The following ROBO2 variants were observed in gnomAD, a reference collection of about 807,000 sequenced individuals.
ROBO2 encodes roundabout guidance receptor 2.
A neutral mutation model predicts 160.8 loss-of-function variants in ROBO2; 53 were observed. That is an observed-to-expected ratio of 0.33 (90% confidence interval 0.26 to 0.41). The LOEUF (loss-of-function observed/expected upper bound fraction) is 0.41, where lower values mean the gene tolerates loss of function less well. Among genes scored for constraint, ROBO2 ranks in the 10% least tolerant of loss-of-function variants. The pLI, the probability that ROBO2 is intolerant of heterozygous loss-of-function variation, is 1.00. For synonymous variants in ROBO2, 664 were observed against 611.7 expected, an observed-to-expected ratio of 1.09 and a Z score of -1.26; for missense variants, 1,577 against 1,722.4, an observed-to-expected ratio of 0.92 and a Z score of 1.49.
At chr3:77,028,893 T>C (rs1259912359) in intron 2 of ROBO2, among the ~76,000 whole-genome samples, 4 of 152,202 alleles carry the variant, frequency 2.6e-5, no homozygotes, top group African/African-American at 9.6e-5. Flanking sequence ...AACCACTATA[T>C]CCTTCTTTCT....
At chr3:77,413,652 T>A (rs1014027957) in intron 2 of ROBO2, among the ~76,000 whole-genome samples, 1 of 152,112 alleles carries the variant, frequency 6.6e-6, no homozygotes, top group Non-Finnish European at 1.5e-5. Flanking sequence ...GCGGAGAGGT[T>A]AAGAAGTAAT....
intron 4 of ROBO2, among the ~76,000 whole-genome samples, chr3:77,490,325 C>A (rs541248036): frequency 6.6e-6 from 1 of 151,960 alleles, no homozygotes; most frequent in Non-Finnish European, 1.5e-5. Context: ...TTCCTGACCT[C>A]GTGATCTGCC....
chr3:76,208,820 T>C (rs1392489708), intron 2 of ROBO2, among the ~76,000 whole-genome samples: 1 of 152,136 alleles, frequency 6.6e-6, no homozygotes, highest in African/African-American at 2.4e-5. Flanking sequence ...GACATCTACC[T>C]AGCTTCTGGC....
intron 2 of ROBO2, among the ~76,000 whole-genome samples, chr3:76,278,215 C>T (rs1293250366): frequency 6.6e-6 from 1 of 151,952 alleles, no homozygotes; most frequent in South Asian, 2.1e-4. Context: ...TGAAGAAAAA[C>T]ATTATGATTG....
intron 2 of ROBO2, among the ~76,000 whole-genome samples, chr3:77,171,333 C>T (rs913059166): frequency 7.2e-5 from 11 of 152,208 alleles, no homozygotes; most frequent in Non-Finnish European, 1.0e-4. Context: ...AGCTTTACCA[C>T]TGGGGTAACA....
intron 2 of ROBO2, among the ~76,000 whole-genome samples, chr3:76,047,870 A>G (rs113530210): frequency 3.3e-4 from 50 of 152,336 alleles, no homozygotes; most frequent in African/African-American, 1.1e-3. Flanking sequence ...TTAAAATATC[A>G]GTAAGGTTAT....
chr3:76,326,365 G>T (rs1367662091), intron 2 of ROBO2, among the ~76,000 whole-genome samples: 1 of 151,804 alleles, frequency 6.6e-6, no homozygotes, highest in Non-Finnish European at 1.5e-5. Flanking sequence ...TATTTTTTTT[G>T]ATGTTCACAT....
At chr3:77,410,685 TCTTCCTCCTCCTCTTCC>T (rs1397208409) in intron 2 of ROBO2, among the ~76,000 whole-genome samples, 116 of 141,290 alleles carry the variant, frequency 8.2e-4, no homozygotes, top group South Asian at 3.1e-3. Flanking sequence ...CTCCTCCTCC[TCTTCCTCCTCCTCTTCC>T]TCCTCCTCCT....
At chr3:76,820,316 T>C (rs1013168332) in intron 2 of ROBO2, among the ~76,000 whole-genome samples, 5 of 152,080 alleles carry the variant, frequency 3.3e-5, no homozygotes, top group African/African-American at 1.2e-4. Flanking sequence ...GGCATAACAT[T>C]AGTTTCAATA....
At chr3:76,643,241 G>T (rs2090792772) in intron 2 of ROBO2, among the ~76,000 whole-genome samples, 1 of 152,078 alleles carries the variant, frequency 6.6e-6, no homozygotes, top group Admixed American at 6.5e-5. Flanking sequence ...TAATTATAAG[G>T]TTAAGTAGGT....
intron 2 of ROBO2, among the ~76,000 whole-genome samples, chr3:76,190,480 C>T (rs1559625656): frequency 1.3e-5 from 2 of 152,038 alleles, no homozygotes; most frequent in South Asian, 2.1e-4. Context: ...TTATATTACT[C>T]AGCAATTATT....
intron 2 of ROBO2, among the ~76,000 whole-genome samples, chr3:76,921,091 T>A (rs930359959): frequency 2.6e-5 from 4 of 152,150 alleles, no homozygotes; most frequent in African/African-American, 9.7e-5. Flanking sequence ...CTTTCAAGCA[T>A]CTTGCCAAAA....
intron 2 of ROBO2, among the ~76,000 whole-genome samples, chr3:76,426,794 T>G (rs2076239982): frequency 6.6e-6 from 1 of 152,154 alleles, no homozygotes; most frequent in Non-Finnish European, 1.5e-5. Context: ...ACAGAATCTC[T>G]GAAGGAAATG....
At chr3:76,450,685 A>C (rs1387319854) in intron 2 of ROBO2, among the ~76,000 whole-genome samples, 2 of 152,132 alleles carry the variant, frequency 1.3e-5, no homozygotes, top group African/African-American at 4.8e-5. Flanking sequence ...CCTTTGTTGA[A>C]AGTATTTCTT....
At chr3:76,981,794 A>C (rs1318927404) in intron 2 of ROBO2, among the ~76,000 whole-genome samples, 2 of 152,278 alleles carry the variant, frequency 1.3e-5, no homozygotes, top group East Asian at 3.9e-4. Flanking sequence ...TCATGCTGAC[A>C]GGTGAACGGG....
chr3:77,566,378 G>C (rs545071243), intron 12 of ROBO2, among the ~76,000 whole-genome samples: 79 of 152,146 alleles, frequency 5.2e-4, no homozygotes, highest in Admixed American at 1.0e-3. Context: ...TTGAAAATCT[G>C]AAATTTGAAC....
intron 2 of ROBO2, among the ~76,000 whole-genome samples, chr3:76,777,215 C>T (rs937310583): frequency 3.3e-5 from 5 of 151,068 alleles, no homozygotes; most frequent in African/African-American, 7.3e-5. Context: ...TACACTGATT[C>T]GAAGTCATAC....
At chr3:75,955,227 A>G (rs1459677924) in intron 2 of ROBO2, among the ~76,000 whole-genome samples, 2 of 151,860 alleles carry the variant, frequency 1.3e-5, no homozygotes, top group African/African-American at 4.8e-5. Flanking sequence ...TAATATCATT[A>G]TTTAATTTAT....
chr3:76,769,355 GA>G (rs1305220737), intron 2 of ROBO2, among the ~76,000 whole-genome samples: 1 of 5,718 alleles, frequency 1.7e-4, no homozygotes, highest in African/African-American at 1.1e-3. Context: ...AATCCCAGAT[GA>G]TGATGATGAT....
Sources: allele counts gnomAD v4.1 joint callset (sites outside exome capture counted in the v4.1 genomes callset), GRCh38; gene constraint gnomAD v4.1.1; transcripts MANE v1.5; gene names NCBI Gene and HGNC (gene_info 2026-07-23, HGNC 2026-07-21).